Variants in TOP2A observed in about 807,000 individuals in gnomAD.
The protein encoded by TOP2A is DNA topoisomerase 2-alpha.
TOP2A carries 68 observed loss-of-function variants against 187.2 expected under a neutral mutation model. The ratio of observed to expected loss-of-function variants is 0.36; its 90% CI spans 0.30 to 0.44. The LOEUF is 0.44. TOP2A is among the 20% of genes least tolerant of loss of function. The pLI, the probability that TOP2A is intolerant of heterozygous loss-of-function variation, is 1.00. For missense variants in TOP2A, 1,196 were observed against 1,808.7 expected (o/e 0.66, Z 6.14); for synonymous variants, 542 against 593.2 (o/e 0.91, Z 1.25).
intron 23 of TOP2A, 57 bp downstream of exon 23, chr17:40,400,152 T>C (rs2035157965): frequency 6.3e-7 from 1 of 1,585,764 alleles, no homozygotes; most frequent in Middle Eastern, 1.7e-4. Flanking sequence ...CTTTTAAAAT[T>C]GATATTAATC....
intron 16 of TOP2A, among the ~76,000 whole-genome samples, chr17:40,405,671 G>A (rs1272851421): frequency 3.3e-5 from 5 of 151,238 alleles, no homozygotes; most frequent in Admixed American, 6.6e-5. Flanking sequence ...GGGTTTCACC[G>A]TGTTAGCCAG....
rs758929792 is a variant in TOP2A, at chr17:40,396,265, C to T, written c.3720+18G>A. 5.0e-6 allele frequency: 7 copies of T among 1,399,034 alleles called. No individual in the cohort carries two copies. The highest frequency in any genetic ancestry group is 4.9e-5 in the South Asian group (4 of 82,180). 86.7% of individuals were successfully genotyped at this position (1,399,034 alleles called of 1,614,324 possible). A position where few individuals can be genotyped will look rare whatever the true frequency, so the allele number is the denominator to read the frequency against. ...AAAGTGCTGGGATTATAGGTGTGAG[C>T]CACCACAAGAGTATTACCTTAATTT... On this transcript the variant is annotated intron_variant, in intron 28 of 34. Transcript: ENST00000423485.
chr17:40,390,480 G>A (rs2035009830), intron 33 of TOP2A, among the ~76,000 whole-genome samples: 1 of 151,782 alleles, frequency 6.6e-6, no homozygotes, highest in Non-Finnish European at 1.5e-5. Context: ...ATGAGCAACC[G>A]CGCCTGACCT....
Position 40,398,543 on chromosome 17 carries a change from T to C in TOP2A, c.3537+15A>G. ...ATTAATAAAAATTCTAACATGGGCA[T>C]TATAAACTACATACCTCCAATTCTT... is the stretch of plus-strand genomic sequence containing the variant. On this transcript the variant is annotated intron_variant, in intron 27 of 34. Coordinates refer to ENST00000423485, the MANE Select transcript of TOP2A (RefSeq NM_001067.4). 6.4e-7 allele frequency: 1 copy of C among 1,554,370 alleles called. No individual in the cohort carries two copies. The highest frequency in any genetic ancestry group is 1.2e-5 in the South Asian group (1 of 84,010).
intron 32 of TOP2A, 135 bp from the exon 33 acceptor site, chr17:40,391,775 T>A (rs998556028): frequency 1.9e-6 from 2 of 1,042,050 alleles, no homozygotes; most frequent in African/African-American, 1.6e-5. Context: ...AACATACTCT[T>A]AAAACTTTGT....
chr17:40,411,864 A>T lies in TOP2A; in HGVS notation c.790-46T>A, dbSNP rs2035326054. The T allele has an allele frequency of 2.7e-6, 4 of 1,471,258 alleles. No homozygotes were observed. The East Asian group carries it at 9.2e-5, about 34-fold the overall frequency. 91.1% of individuals were successfully genotyped at this position (1,471,258 alleles called of 1,614,324 possible). A position where few individuals can be genotyped will look rare whatever the true frequency, so the allele number is the denominator to read the frequency against. ...ACAGTATTAAGAAAGTTATTAAAAAATAGGTTCAATGATAGACTATGAGGA... is the reference window on the plus strand; with the variant it reads ...ACAGTATTAAGAAAGTTATTAAAAATTAGGTTCAATGATAGACTATGAGGA... On this transcript the variant is annotated intron_variant, in intron 7 of 34. Transcript: ENST00000423485. This position sits in a 1 kb window ranked among gnomAD's most constrained non-coding sequence, Gnocchi z 4.4.
intron 10 of TOP2A, among the ~76,000 whole-genome samples, chr17:40,410,322 T>A (rs1381408497): frequency 6.6e-6 from 1 of 152,154 alleles, no homozygotes. Context: ...AAGAGCACTG[T>A]GCTTTTCAGT....
At chr17:40,408,344 A>C in intron 11 of TOP2A, 148 bp downstream of exon 11, 19 of 913,972 alleles carry the variant, frequency 2.1e-5, no homozygotes. Flanking sequence ...TAAATCTTCC[A>C]TAATAGGAAA....
At position 40,396,352 on chromosome 17, in the gene TOP2A, T is replaced by C; in HGVS notation, c.3651A>G (p.Gln1217=). The change falls in exon 28 of 35, where the codon CAA becomes CAG. Residue 1217 remains glutamine, a synonymous_variant. Transcript: ENST00000423485. The part of the protein sequence containing the change: ...MAEVLPSPRG[Q]RVIPRITIEM... The stretch of plus-strand genomic sequence containing the variant: ...CTATGGTTATTCGTGGAATGACTCT[T>C]TGACCACGCGGAGAAGGCAAAACTT... 6.2e-7 allele frequency: 1 copy of C among 1,613,974 alleles called. No individual in the cohort carries two copies.
In TOP2A at chr17:40,392,623, T is replaced by C; in HGVS notation, c.3926A>G (p.Asp1309Gly). The C allele has an allele frequency of 6.2e-7, 1 of 1,613,114 alleles. No homozygotes were observed. Among genetic ancestry groups the C allele is most frequent in the Non-Finnish European group, 8.5e-7 (1 of 1,179,688 alleles). ...SDRSSDESNF[D>G]VPPRETEPRR... ...TGGCTCTGTTTCTCGTGGAGGGACA[T>C]CAAAATTACTTTCGTCACTGCTCCT... is the stretch of plus-strand genomic sequence containing the variant. Residue 1309 changes from aspartate (D) to glycine (G), a missense_variant, in exon 30 of 35, where the codon GAT (aspartate) becomes GGT (glycine). Coordinates refer to ENST00000423485, the MANE Select transcript of TOP2A (RefSeq NM_001067.4).
chr17:40,416,685 G>T, intron 2 of TOP2A, 55 bp downstream of exon 2: 1 of 1,574,260 alleles, frequency 6.4e-7, no homozygotes, highest in African/African-American at 1.4e-5. Context: ...GGTACAGAAA[G>T]AAGAGTATCC....
intron 16 of TOP2A, among the ~76,000 whole-genome samples, chr17:40,405,690 C>A (rs1234850566): frequency 1.3e-5 from 2 of 149,036 alleles, no homozygotes; most frequent in Non-Finnish European, 3.0e-5. Flanking sequence ...AGGATGGTCT[C>A]CATCTCATGA....
intron 10 of TOP2A, chr17:40,409,291 GC>G (rs1414463598): frequency 5.7e-6 from 2 of 352,484 alleles, no homozygotes; most frequent in African/African-American, 4.5e-5. Context: ...CAGGAGAATT[GC>G]TTTAACCTGG....
Position 40,417,098 on chromosome 17 carries a change from C to CATAT in TOP2A, c.22-207_22-204dup, listed in dbSNP as rs765152098. Among the ~76,000 whole-genome samples the CATAT allele has an allele frequency of 7.7e-4, 117 of 152,230 alleles. 1 individual carries two copies. Among genetic ancestry groups the CATAT allele is most frequent in the Middle Eastern group, 3.4e-3 (1 of 294 alleles). The stretch of plus-strand genomic sequence containing the variant: ...CCCCAGGTGTCAGGTTAAACAGACA[C>CATAT]ATATTATCTCACCAAGTGGGTCTGT... On this transcript the variant is annotated intron_variant, in intron 1 of 34. Coordinates refer to ENST00000423485, the MANE Select transcript of TOP2A (RefSeq NM_001067.4).
intron 16 of TOP2A, 101 bp from the exon 17 acceptor site, chr17:40,404,984 G>C (rs1488590207): frequency 4.7e-6 from 3 of 635,470 alleles, no homozygotes; most frequent in Admixed American, 7.0e-5. Flanking sequence ...CAAAAATACT[G>C]TTTTCCTTTT....
chr17:40,392,561 A>G (rs780746332), intron 30 of TOP2A, 24 bp downstream of exon 30: 3 of 1,599,574 alleles, frequency 1.9e-6, no homozygotes, highest in South Asian at 2.3e-5. Flanking sequence ...CAGTTTATCT[A>G]TAATGTTCTT....
chr17:40,391,470 T>C (rs377453565), intron 33 of TOP2A, 36 bp downstream of exon 33: 907 of 1,582,016 alleles, frequency 5.7e-4, no homozygotes, highest in Non-Finnish European at 7.3e-4. Context: ...AGTTAGGTAA[T>C]TGCAACATTA....
intron 27 of TOP2A, 135 bp downstream of exon 27, chr17:40,398,423 C>T (rs1480676517): frequency 5.5e-5 from 43 of 783,210 alleles, no homozygotes; most frequent in East Asian, 5.2e-4. Context: ...TTCTTTTATA[C>T]GCTATTTGGA....
intron 10 of TOP2A, 128 bp from the exon 11 acceptor site, chr17:40,408,758 T>C: frequency 9.6e-7 from 1 of 1,043,992 alleles, no homozygotes; most frequent in East Asian, 2.6e-5. Flanking sequence ...AGAACAATAA[T>C]TTCTGGATAG....
Sources: allele counts gnomAD v4.1 joint callset (sites outside exome capture counted in the v4.1 genomes callset), GRCh38; gene constraint gnomAD v4.1.1; non-coding constraint Gnocchi (gnomAD v3.1); transcripts MANE v1.5; gene names NCBI Gene and HGNC (gene_info 2026-07-23, HGNC 2026-07-21).